NEMP2: variants seen among roughly 807,000 people sequenced by gnomAD.
The protein encoded by NEMP2 is nuclear envelope integral membrane protein 2, also known as UPF0571 transmembrane protein.
Under a neutral mutation model 54.2 loss-of-function variants are expected in NEMP2, and 53 were observed. That is an observed-to-expected ratio of 0.98 (90% CI 0.78 to 1.23). The LOEUF is 1.23. Ranked by LOEUF, NEMP2 falls within the 50% of genes most tolerant of loss-of-function variation. The pLI is 0.00. For synonymous variants in NEMP2, 197 were observed against 190.3 expected, an observed-to-expected ratio of 1.04 and a Z score of -0.29; for missense variants, 455 against 511.3, an observed-to-expected ratio of 0.89 and a Z score of 1.06.
At chr2:190,467,172 C>T in the NEMP2 span, among the ~76,000 whole-genome samples, 11 of 152,196 alleles carry the variant, frequency 7.2e-5, no homozygotes, top group African/African-American at 2.7e-4. The surrounding 1 kb of genome is among the most constrained non-coding windows in gnomAD (Gnocchi z 5.5). Context: ...ATGAGTTAGA[C>T]CACTGGTTCT....
chr2:190,548,595 A>T, the NEMP2 span, among the ~76,000 whole-genome samples: 132 of 152,186 alleles, frequency 8.7e-4, 2 homozygotes, highest in Non-Finnish European at 1.6e-3. Context: ...CTGAAATATT[A>T]TAGGTACTTT....
chr2:190,476,316 A>G, the NEMP2 span, among the ~76,000 whole-genome samples: 2 of 151,794 alleles, frequency 1.3e-5, no homozygotes, highest in African/African-American at 4.8e-5. Flanking sequence ...CATCTGACAA[A>G]GGGCTAATAT....
chr2:190,541,450 G>T, the NEMP2 span, among the ~76,000 whole-genome samples: 1 of 152,076 alleles, frequency 6.6e-6, no homozygotes, highest in African/African-American at 2.4e-5. The surrounding 1 kb of genome is among the most constrained non-coding windows in gnomAD (Gnocchi z 5.2). Context: ...TTTGTTTCAA[G>T]AAATTCTTAC....
chr2:190,592,774 C>T, the NEMP2 span, among the ~76,000 whole-genome samples: 1 of 152,246 alleles, frequency 6.6e-6, no homozygotes, highest in African/African-American at 2.4e-5. This position sits in a 1 kb window ranked among gnomAD's most constrained non-coding sequence, Gnocchi z 4.4. Flanking sequence ...CCACCCAATA[C>T]AGATGGAGCA....
the NEMP2 span, among the ~76,000 whole-genome samples, chr2:190,646,294 T>A: frequency 1.3e-5 from 2 of 152,178 alleles, no homozygotes; most frequent in Non-Finnish European, 2.9e-5. Context: ...GGATGGAATG[T>A]GAATCTCTTT....
At chr2:190,488,169 G>C in the NEMP2 span, among the ~76,000 whole-genome samples, 1 of 152,198 alleles carries the variant, frequency 6.6e-6, no homozygotes. This position sits in a 1 kb window ranked among gnomAD's most constrained non-coding sequence, Gnocchi z 6.4. Context: ...CCAAAGTGCT[G>C]GGATTACAGG....
chr2:190,492,137 C>T, the NEMP2 span, among the ~76,000 whole-genome samples: 2 of 152,038 alleles, frequency 1.3e-5, no homozygotes, highest in African/African-American at 2.4e-5. The surrounding 1 kb of genome is among the most constrained non-coding windows in gnomAD (Gnocchi z 5.2). Flanking sequence ...ATGAACAAAG[C>T]CTCCAAGAAG....
the NEMP2 span, chr2:190,488,863 A>T: frequency 6.7e-7 from 1 of 1,482,490 alleles, no homozygotes; most frequent in Non-Finnish European, 9.0e-7. The surrounding 1 kb of genome is among the most constrained non-coding windows in gnomAD (Gnocchi z 6.4). Flanking sequence ...TTATTAAAAC[A>T]TGATTTTTTC....
At chr2:190,647,508 CTT>C in the NEMP2 span, among the ~76,000 whole-genome samples, 1 of 152,040 alleles carries the variant, frequency 6.6e-6, no homozygotes, top group Non-Finnish European at 1.5e-5. Flanking sequence ...TCCTATAAAA[CTT>C]GATTTTTATG....
rs2125324808 is a variant in NEMP2 at position 190,519,999 on chromosome 2, A to G, written c.214-816T>C. 6.6e-6 allele frequency among the ~76,000 whole-genome samples: 1 copy of G among 151,540 alleles called. No homozygotes were observed. Among genetic ancestry groups the G allele is most frequent in the Admixed American group, 6.6e-5 (1 of 15,264 alleles). ...TATGTAGGGTTTTTTTAAAGATATAATTCTATTGCACCCTTAATAGACTAA... is the reference window on the plus strand; with the variant it reads ...TATGTAGGGTTTTTTTAAAGATATAGTTCTATTGCACCCTTAATAGACTAA... On this transcript the variant is annotated intron_variant, in intron 2 of 8. Transcript: ENST00000409150. This position sits in a 1 kb window ranked among gnomAD's most constrained non-coding sequence, Gnocchi z 5.4.
the NEMP2 span, chr2:190,609,212 T>A: frequency 6.6e-6 from 1 of 152,350 alleles, no homozygotes; most frequent in Non-Finnish European, 1.5e-5. This position sits in a 1 kb window ranked among gnomAD's most constrained non-coding sequence, Gnocchi z 4.7. Flanking sequence ...CTAAGCTATA[T>A]GTCTATGTGT....
chr2:190,603,577 G>C, the NEMP2 span, among the ~76,000 whole-genome samples: 1 of 145,766 alleles, frequency 6.9e-6, no homozygotes, highest in African/African-American at 2.6e-5. Context: ...GCAGTGTCTG[G>C]CATCTAGTAT....
the NEMP2 span, among the ~76,000 whole-genome samples, chr2:190,595,963 A>G: frequency 6.6e-6 from 1 of 152,238 alleles, no homozygotes; most frequent in African/African-American, 2.4e-5. This position sits in a 1 kb window ranked among gnomAD's most constrained non-coding sequence, Gnocchi z 4.0. Context: ...TGTTTACTGC[A>G]GCACTGTTCA....
the NEMP2 span, among the ~76,000 whole-genome samples, chr2:190,570,011 A>G: frequency 6.6e-6 from 1 of 152,240 alleles, no homozygotes; most frequent in Non-Finnish European, 1.5e-5. This position sits in a 1 kb window ranked among gnomAD's most constrained non-coding sequence, Gnocchi z 5.4. Flanking sequence ...GAATTGAGAA[A>G]TTGATCCCCA....
chr2:190,576,458 TAAATG>T, the NEMP2 span, among the ~76,000 whole-genome samples: 1 of 152,180 alleles, frequency 6.6e-6, no homozygotes, highest in East Asian at 1.9e-4. Context: ...TGTAACTTGT[TAAATG>T]AAACGGGAAA....
chr2:190,505,128 G>A lies in NEMP2; in HGVS notation c.*4061C>T, dbSNP rs1690156258. 2 of 152,202 alleles carry A rather than the reference G, an allele frequency of 1.3e-5. No individual in the cohort carries two copies. The highest frequency in any genetic ancestry group is 6.5e-5 in the Admixed American group (1 of 15,286). The allele number at this position is 152,202 out of a possible 1,614,324, so 9.4% of individuals were successfully genotyped here. A position where few individuals can be genotyped will look rare whatever the true frequency, so the allele number is the denominator to read the frequency against. Reference sequence around the variant, plus strand: ...TGCGGGGCACAAATGACTGGTATGTGTATAACATCAGCAGATGTAGTCACC... The same window carrying A: ...TGCGGGGCACAAATGACTGGTATGTATATAACATCAGCAGATGTAGTCACC... On this transcript the variant is annotated 3_prime_UTR_variant, in exon 9 of 9. Coordinates refer to ENST00000409150, the MANE Select transcript of NEMP2 (RefSeq NM_001142645.2). This position sits in a 1 kb window ranked among gnomAD's most constrained non-coding sequence, Gnocchi z 5.8.
rs1488458473 is a variant in NEMP2, at chr2:190,505,481, T to C, written c.*3708A>G. ...CTCTTTTCAATCAGTCTTTCTTTTT[T>C]GGAAAAACGACCAAATCTAAAAAAA... On this transcript the variant is annotated 3_prime_UTR_variant, in exon 9 of 9. Coordinates refer to ENST00000409150, the MANE Select transcript of NEMP2 (RefSeq NM_001142645.2). This position sits in a 1 kb window ranked among gnomAD's most constrained non-coding sequence, Gnocchi z 5.8. 1.3e-5 allele frequency: 2 copies of C among 152,222 alleles called. No individual in the cohort carries two copies. Among genetic ancestry groups the C allele is most frequent in the Admixed American group, 6.5e-5 (1 of 15,286 alleles). 9.4% of individuals were successfully genotyped at this position (152,222 alleles called of 1,614,324 possible). A position where few individuals can be genotyped will look rare whatever the true frequency, so the allele number is the denominator to read the frequency against.
chr2:190,515,846 G>C (rs1045771285), intron 6 of NEMP2, among the ~76,000 whole-genome samples: 1 of 152,146 alleles, frequency 6.6e-6, no homozygotes, highest in African/African-American at 2.4e-5. Flanking sequence ...TTCTGAAAAG[G>C]CAAGTTTTCA....
chr2:190,509,313 C>CT lies in NEMP2; in HGVS notation c.1131-2dup, dbSNP rs748170844. 1 of 1,551,574 alleles carries CT rather than the reference C, an allele frequency of 6.4e-7. No homozygotes were observed. The highest frequency in any genetic ancestry group is 1.4e-5 in the African/African-American group (1 of 73,150). On this transcript the variant is annotated splice_acceptor_variant, in intron 8 of 8. Transcript: ENST00000409150. LOFTEE classifies it high-confidence loss of function. The surrounding 1 kb of genome is among the most constrained non-coding windows in gnomAD (Gnocchi z 6.1). ...TCCTCCAAGAACAAAGTCTGCAAAT[C>CT]TAACAAGTTTTTTGTTTTAAATAAA...
Sources: gnomAD v4.1 joint callset for allele counts (sites outside exome capture counted in the v4.1 genomes callset) on GRCh38, gnomAD v4.1.1 for gene constraint, Gnocchi (gnomAD v3.1) non-coding constraint, MANE v1.5 for transcripts, NCBI Gene and HGNC (gene_info 2026-07-23, HGNC 2026-07-21) for gene names.